HEPACAM: variants seen among roughly 807,000 people sequenced by gnomAD.
HEPACAM encodes the protein hepatocyte cell adhesion molecule.
A neutral mutation model predicts 38.3 loss-of-function variants in HEPACAM; 18 were observed. The ratio of observed to expected loss-of-function variants is 0.47; its 90% CI spans 0.33 to 0.70. The LOEUF is 0.70. HEPACAM is among the 30% of genes least tolerant of loss of function. The pLI is 0.03. For synonymous variants in HEPACAM, 216 were observed against 243.1 expected (o/e 0.89, Z 1.04); for missense variants, 466 against 563.0 (o/e 0.83, Z 1.74).
At chr11:124,923,578 C>A in intron 3 of HEPACAM, 145 bp from the exon 4 acceptor site, 1 of 1,121,934 alleles carries the variant, frequency 8.9e-7, no homozygotes, top group Non-Finnish European at 1.3e-6. Flanking sequence ...GTACAGAACC[C>A]ACTGGCTACC....
chr11:124,929,612 A>T (rs901001946), intron 1 of HEPACAM, among the ~76,000 whole-genome samples: 1 of 152,226 alleles, frequency 6.6e-6, no homozygotes, highest in Admixed American at 6.5e-5. Context: ...TCTCCAAGGC[A>T]TCATAATATA....
In HEPACAM at chr11:124,920,053, T is replaced by C; in HGVS notation, c.*1085A>G. 1.3e-6 allele frequency: 2 copies of C among 1,597,426 alleles called. No homozygotes were observed. The highest frequency in any genetic ancestry group is 8.5e-7 in the Non-Finnish European group (1 of 1,170,858). On this transcript the variant is annotated 3_prime_UTR_variant, in exon 7 of 7. Coordinates refer to ENST00000298251, the MANE Select transcript of HEPACAM (RefSeq NM_152722.5). ...TGCCCTTTTTCTGTGCCCTGGGACC[T>C]GAGCATGTGGGAGCAGGGCAGATGG...
chr11:124,928,561 C>G (rs2135403755), intron 1 of HEPACAM, among the ~76,000 whole-genome samples: 1 of 152,224 alleles, frequency 6.6e-6, no homozygotes, highest in South Asian at 2.1e-4. Context: ...CCCAAAATCA[C>G]TAAGCTAAAG....
rs750572590 is a variant in HEPACAM, at chr11:124,924,034, C to A, written c.428-24G>T. 6.3e-7 allele frequency: 1 copy of A among 1,595,358 alleles called. No homozygotes were observed. The highest frequency in any genetic ancestry group is 8.5e-7 in the Non-Finnish European group (1 of 1,174,504). Reference sequence around the variant, plus strand: ...CACTGAGCCGCAGGAATGGGGGAGCCTGTAAGTCATTGGCTAAGAAGTGTC... The same window carrying A: ...CACTGAGCCGCAGGAATGGGGGAGCATGTAAGTCATTGGCTAAGAAGTGTC... On this transcript the variant is annotated intron_variant, in intron 2 of 6. Coordinates refer to ENST00000298251, the MANE Select transcript of HEPACAM (RefSeq NM_152722.5). The surrounding 1 kb of genome is among the most constrained non-coding windows in gnomAD (Gnocchi z 4.4).
Position 124,919,739 on chromosome 11 carries a change from G to C in HEPACAM, c.*1399C>G. The stretch of plus-strand genomic sequence containing the variant: ...TTGGGGCTGAGACAAAACTTGACCT[G>C]GTGTGGAGGTGATGGGTAACTGGGG... On this transcript the variant is annotated 3_prime_UTR_variant, in exon 7 of 7. Coordinates refer to ENST00000298251, the MANE Select transcript of HEPACAM (RefSeq NM_152722.5). The C allele has an allele frequency of 6.2e-7, 1 of 1,612,752 alleles. No homozygotes were observed. The highest frequency in any genetic ancestry group is 1.3e-5 in the African/African-American group (1 of 74,998).
At chr11:124,930,982 T>A (rs549664145) in intron 1 of HEPACAM, among the ~76,000 whole-genome samples, 4 of 152,308 alleles carry the variant, frequency 2.6e-5, no homozygotes, top group Middle Eastern at 6.8e-3. Context: ...AAGAAGGAAA[T>A]GATACTTTAG....
Position 124,923,361 on chromosome 11 carries a change from G to A in HEPACAM, c.782C>T (p.Ala261Val), listed in dbSNP as rs147015297. 51 of 1,612,884 alleles carry A rather than the reference G, an allele frequency of 3.2e-5. No homozygotes were observed. The highest frequency in any genetic ancestry group is 1.1e-4 in the South Asian group (10 of 91,062). The change falls in exon 4 of 7, where the codon GCC becomes GTC. Residue 261 changes from alanine to valine, a missense_variant. Physicochemically the swap from Ala to Val is moderately conservative, Grantham distance 64. Transcript: ENST00000298251. The stretch of plus-strand genomic sequence containing the variant: ...AGACCTTTTGGAGGGTTTCCAGCAG[G>A]CACAGACTGTCACCAAGGTCACAAG... ...FLLVTLVTVC[A>V]CWKPSKRKQK...
intron 1 of HEPACAM, among the ~76,000 whole-genome samples, chr11:124,933,180 A>T (rs1565342364): frequency 2.0e-5 from 3 of 148,274 alleles, no homozygotes; most frequent in African/African-American, 7.4e-5. Context: ...TTACATTATA[A>T]TTTTTTTTTT....
intron 6 of HEPACAM, among the ~76,000 whole-genome samples, chr11:124,922,170 A>G (rs1453040792): frequency 6.6e-6 from 1 of 152,188 alleles, no homozygotes; most frequent in African/African-American, 2.4e-5. Flanking sequence ...TCTTTAAGAG[A>G]ATCCAATGCC....
intron 1 of HEPACAM, among the ~76,000 whole-genome samples, chr11:124,929,966 G>T (rs1282268696): frequency 6.6e-6 from 1 of 151,964 alleles, no homozygotes; most frequent in African/African-American, 2.4e-5. Context: ...TCTAGGATTT[G>T]GTCTATACAC....
chr11:124,935,623 G>A (rs952322271), intron 1 of HEPACAM, among the ~76,000 whole-genome samples: 8 of 152,288 alleles, frequency 5.3e-5, no homozygotes, highest in Admixed American at 1.3e-4. Flanking sequence ...ACTGGCCCAC[G>A]CCAACAAGTC....
chr11:124,923,725 T>G lies in HEPACAM; in HGVS notation c.709+4A>C. 6.2e-7 allele frequency: 1 copy of G among 1,614,088 alleles called. No individual in the cohort carries two copies. Among genetic ancestry groups the G allele is most frequent in the Non-Finnish European group, 8.5e-7 (1 of 1,180,018 alleles). ...ACTAAAGGAAAGCCTGCGGGGAAAC[T>G]CACTGTATACGGTGATCTTGACAGG... On this transcript the variant is annotated splice_donor_region_variant and intron_variant, in intron 3 of 6. Transcript: ENST00000298251.
At position 124,935,990 on chromosome 11, in the gene HEPACAM, C is replaced by T; in HGVS notation, c.17G>A (p.Gly6Glu). The T allele has an allele frequency of 6.2e-7, 1 of 1,613,924 alleles. No individual in the cohort carries two copies. MKRER[G>E]ALSRASRALR... ...GGCCCTGGAGGCTCTGGACAGGGCT[C>T]CCCTTTCTCTCTTCATTTTGGGTGG... The change falls in exon 1 of 7, where the codon GGA (glycine) becomes GAA (glutamate). Residue 6 changes from glycine to glutamate, a missense_variant. Physicochemically the swap from Gly to Glu is moderately conservative, Grantham distance 98. Transcript: ENST00000298251.
rs1947093865 is a variant in HEPACAM at position 124,919,477 on chromosome 11, T to C, written c.*1661A>G. 2.0e-6 allele frequency: 1 copy of C among 500,316 alleles called. No individual in the cohort carries two copies. Among genetic ancestry groups the C allele is most frequent in the Non-Finnish European group, 3.6e-6 (1 of 277,368 alleles). 31.0% of individuals were successfully genotyped at this position (500,316 alleles called of 1,614,324 possible). On this transcript the variant is annotated 3_prime_UTR_variant, in exon 7 of 7. Coordinates refer to ENST00000298251, the MANE Select transcript of HEPACAM (RefSeq NM_152722.5). ...TCTCACCCTAACCTTCACCTGTGCA[T>C]CTCAAGGCTGACCAGCAGGTACTCC...
chr11:124,931,129 C>A (rs1383979365), intron 1 of HEPACAM, among the ~76,000 whole-genome samples: 1 of 152,142 alleles, frequency 6.6e-6, no homozygotes, highest in African/African-American at 2.4e-5. Context: ...TATTTAAACT[C>A]CCACAAGTTC....
chr11:124,930,995 T>C (rs1309265991), intron 1 of HEPACAM, among the ~76,000 whole-genome samples: 1 of 152,174 alleles, frequency 6.6e-6, no homozygotes, highest in Non-Finnish European at 1.5e-5. Flanking sequence ...TACTTTAGAC[T>C]CAGTAAAATT....
intron 1 of HEPACAM, among the ~76,000 whole-genome samples, chr11:124,925,866 G>A (rs1016102266): frequency 2.6e-5 from 4 of 152,214 alleles, no homozygotes; most frequent in African/African-American, 9.7e-5. Context: ...TACTGGCTAT[G>A]TGGATTTGGG....
rs1331564991 is a variant in HEPACAM, at chr11:124,919,643, G to C, written c.*1495C>G. On this transcript the variant is annotated 3_prime_UTR_variant, in exon 7 of 7. Coordinates refer to ENST00000298251, the MANE Select transcript of HEPACAM (RefSeq NM_152722.5). ...TCAAATGAGCCTGGGGAAGTGCCGA[G>C]GGACAGGGAGCTGAGACAGGCATGC... is the stretch of plus-strand genomic sequence containing the variant. 1.5e-6 allele frequency: 2 copies of C among 1,303,832 alleles called. No homozygotes were observed. The highest frequency in any genetic ancestry group is 2.1e-6 in the Non-Finnish European group (2 of 946,526). The allele number at this position is 1,303,832 out of a possible 1,614,324, so 80.8% of individuals were successfully genotyped here. A position where few individuals can be genotyped will look rare whatever the true frequency, so the allele number is the denominator to read the frequency against.
intron 1 of HEPACAM, among the ~76,000 whole-genome samples, chr11:124,933,434 G>C (rs1313449336): frequency 6.6e-6 from 1 of 152,076 alleles, no homozygotes; most frequent in Non-Finnish European, 1.5e-5. Flanking sequence ...GCCTCCCAAA[G>C]TTCTGAGATT....
Sources: allele counts gnomAD v4.1 joint callset (sites outside exome capture counted in the v4.1 genomes callset), GRCh38; gene constraint gnomAD v4.1.1; non-coding constraint Gnocchi (gnomAD v3.1); transcripts MANE v1.5; gene names NCBI Gene and HGNC (gene_info 2026-07-23, HGNC 2026-07-21).